The following DEPTOR variants were observed in gnomAD, a reference collection of about 807,000 sequenced individuals.
The protein encoded by DEPTOR is DEP domain containing MTOR interacting protein.
Under a neutral mutation model 41.6 loss-of-function variants are expected in DEPTOR, and 41 were observed. That is an observed-to-expected ratio of 0.98 (90% confidence interval 0.77 to 1.28). DEPTOR has a LOEUF of 1.28. Among genes scored for constraint, DEPTOR ranks in the 50% most tolerant of loss-of-function variants. The probability of loss-of-function intolerance (pLI) is 0.00; values close to 1 mark genes in which losing one functional copy is unlikely to be tolerated. For synonymous variants in DEPTOR, 195 were observed against 192.3 expected (o/e 1.01, Z -0.12); for missense variants, 514 against 527.9 (o/e 0.97, Z 0.26).
intron 8 of DEPTOR, among the ~76,000 whole-genome samples, chr8:120,036,975 G>A (rs1812988112): frequency 6.6e-6 from 1 of 152,186 alleles, no homozygotes; most frequent in Non-Finnish European, 1.5e-5. Flanking sequence ...CATACCTTGT[G>A]TTGGTTTTTG....
intron 8 of DEPTOR, among the ~76,000 whole-genome samples, chr8:120,025,301 C>T (rs905913509): frequency 6.6e-6 from 1 of 152,128 alleles, no homozygotes; most frequent in Admixed American, 6.6e-5. Flanking sequence ...ACTGTAAAGT[C>T]AAGTGTTGGG....
chr8:119,875,500 A>G (rs1256067015), intron 1 of DEPTOR, among the ~76,000 whole-genome samples: 2 of 152,216 alleles, frequency 1.3e-5, no homozygotes, highest in Non-Finnish European at 2.9e-5. Context: ...AGGAGAGGCT[A>G]CAAAGTAGAA....
intron 8 of DEPTOR, among the ~76,000 whole-genome samples, chr8:120,015,432 C>T (rs1015551454): frequency 6.6e-6 from 1 of 152,200 alleles, no homozygotes; most frequent in African/African-American, 2.4e-5. Context: ...GCTTAAATGA[C>T]AAACATTTGT....
At chr8:119,887,105 TTCCCC>T (rs1827374418) in intron 1 of DEPTOR, among the ~76,000 whole-genome samples, 2 of 48,428 alleles carry the variant, frequency 4.1e-5, no homozygotes, top group African/African-American at 9.3e-5. Context: ...TCCCTTCCCC[TTCCCC>T]TCCCCTCCCC....
chr8:119,965,624 G>T (rs2129969450), intron 4 of DEPTOR, among the ~76,000 whole-genome samples: 1 of 152,334 alleles, frequency 6.6e-6, no homozygotes, highest in East Asian at 1.9e-4. Context: ...TCCACTGTCT[G>T]TGATGTGTTG....
intron 3 of DEPTOR, among the ~76,000 whole-genome samples, chr8:119,949,498 T>C (rs1828325888): frequency 6.6e-6 from 1 of 152,234 alleles, no homozygotes; most frequent in Admixed American, 6.5e-5. Flanking sequence ...CAACAGTGTA[T>C]GAGGCTTCTA....
At chr8:119,883,297 AC>A (rs1381532931) in intron 1 of DEPTOR, among the ~76,000 whole-genome samples, 1 of 151,526 alleles carries the variant, frequency 6.6e-6, no homozygotes, top group Non-Finnish European at 1.5e-5. Flanking sequence ...ACACGGTGAA[AC>A]CCCGTCTCTA....
At chr8:119,944,571 C>T (rs992981459) in intron 3 of DEPTOR, among the ~76,000 whole-genome samples, 3 of 151,756 alleles carry the variant, frequency 2.0e-5, no homozygotes, top group African/African-American at 7.3e-5. Flanking sequence ...CCTCACACAA[C>T]TTTGGTATAC....
chr8:119,874,658 C>T (rs547586845), intron 1 of DEPTOR, among the ~76,000 whole-genome samples: 1 of 152,216 alleles, frequency 6.6e-6, no homozygotes, highest in East Asian at 1.9e-4. Context: ...CCCGGGCTCG[C>T]ACGTTTTGGG....
chr8:119,996,839 T>G (rs750983044), intron 4 of DEPTOR, among the ~76,000 whole-genome samples: 1 of 152,188 alleles, frequency 6.6e-6, no homozygotes, highest in Non-Finnish European at 1.5e-5. Context: ...GGTTATAATT[T>G]TAAGATACTG....
chr8:120,049,608 C>CA lies in DEPTOR; in HGVS notation c.1136dup (p.Asn379LysfsTer84), dbSNP rs1169191211. The CA allele has an allele frequency of 6.2e-7, 1 of 1,613,866 alleles. No homozygotes were observed. Among genetic ancestry groups the CA allele is most frequent in the African/African-American group, 1.3e-5 (1 of 75,030 alleles). On this transcript the variant is annotated frameshift_variant, in exon 9 of 9. Coordinates refer to ENST00000286234, the MANE Select transcript of DEPTOR (RefSeq NM_022783.4). LOFTEE classifies it high-confidence loss of function. ...AGTTTGTCGTCTCTGTCAACGGGCT[C>CA]AATGTCCTGCATGTAGACTACCGGA...
chr8:119,929,425 C>T (rs4871795), intron 2 of DEPTOR, among the ~76,000 whole-genome samples: 42,807 of 151,976 alleles, frequency 0.28, 6,464 homozygotes, highest in Middle Eastern at 0.39. Flanking sequence ...AGCCTTATCA[C>T]ACCATATTTC....
intron 4 of DEPTOR, among the ~76,000 whole-genome samples, chr8:119,982,309 T>C (rs1007588538): frequency 6.6e-6 from 1 of 152,174 alleles, no homozygotes; most frequent in Middle Eastern, 3.2e-3. Flanking sequence ...CTAGAAGCCA[T>C]GTCTTCTGAC....
At chr8:119,958,969 TAG>T (rs1399446136) in intron 3 of DEPTOR, among the ~76,000 whole-genome samples, 7 of 152,070 alleles carry the variant, frequency 4.6e-5, no homozygotes, top group Non-Finnish European at 8.8e-5. Flanking sequence ...TACAGTTTCC[TAG>T]AGAGTGTTTT....
chr8:119,988,946 C>G (rs1469140623), intron 4 of DEPTOR, among the ~76,000 whole-genome samples: 2 of 134,052 alleles, frequency 1.5e-5, no homozygotes, highest in Non-Finnish European at 3.2e-5. Context: ...ATAGCCATAT[C>G]CTTTTTTTTT....
chr8:119,903,164 T>C (rs1370886082), intron 1 of DEPTOR, among the ~76,000 whole-genome samples: 1 of 152,188 alleles, frequency 6.6e-6, no homozygotes, highest in African/African-American at 2.4e-5. Context: ...AATGGTGCGA[T>C]CTCAGCTCAC....
At chr8:119,969,345 G>GTTTTTTTTT (rs1418719836) in intron 4 of DEPTOR, among the ~76,000 whole-genome samples, 1 of 148,328 alleles carries the variant, frequency 6.7e-6, no homozygotes, top group African/African-American at 2.5e-5. Flanking sequence ...TAATAAATCT[G>GTTTTTTTTT]TTTTGTTTTT....
chr8:119,886,386 C>G (rs961775041), intron 1 of DEPTOR, among the ~76,000 whole-genome samples: 1 of 152,066 alleles, frequency 6.6e-6, no homozygotes, highest in South Asian at 2.1e-4. Context: ...ATTCCTGAGT[C>G]GGTGGGATTG....
chr8:120,049,828 A>G lies in DEPTOR; in HGVS notation c.*124A>G, dbSNP rs1045986916. The G allele has an allele frequency of 8.0e-7, 1 of 1,254,284 alleles. No homozygotes were observed. Among genetic ancestry groups the G allele is most frequent in the Middle Eastern group, 2.9e-4 (1 of 3,448 alleles). 77.7% of individuals were successfully genotyped at this position (1,254,284 alleles called of 1,614,324 possible). Reference sequence around the variant, plus strand: ...TTGGACATACGAGTCTTCTCCGCACATACATGTCTAAAGTTGAGTTTTATA... The same window carrying G: ...TTGGACATACGAGTCTTCTCCGCACGTACATGTCTAAAGTTGAGTTTTATA... On this transcript the variant is annotated 3_prime_UTR_variant, in exon 9 of 9. Transcript: ENST00000286234.
Sources: gnomAD v4.1 joint callset for allele counts (sites outside exome capture counted in the v4.1 genomes callset) on GRCh38, gnomAD v4.1.1 for gene constraint, MANE v1.5 for transcripts, NCBI Gene and HGNC (gene_info 2026-07-23, HGNC 2026-07-21) for gene names.